CTNNA3: variants seen among roughly 807,000 people sequenced by gnomAD.
CTNNA3 encodes the protein catenin alpha 3.
CTNNA3 carries 76 observed loss-of-function variants against 95.7 expected under a neutral mutation model. That is an observed-to-expected ratio of 0.79 (90% CI 0.66 to 0.96). The LOEUF (loss-of-function observed/expected upper bound fraction) is 0.96, where lower values mean the gene tolerates loss of function less well. CTNNA3 is among the 40% of genes least tolerant of loss of function. CTNNA3 has a pLI of 0.00. For missense variants in CTNNA3, 1,191 were observed against 1,089.8 expected (o/e 1.09, Z -1.31); for synonymous variants, 431 against 374.4 (o/e 1.15, Z -1.74).
intron 5 of CTNNA3, among the ~76,000 whole-genome samples, chr10:67,330,803 T>C (rs1193848630): frequency 6.6e-6 from 1 of 151,846 alleles, no homozygotes. Flanking sequence ...ATACCTGGGA[T>C]AAACTGGTAT....
chr10:67,522,210 A>C (rs1208353003), intron 4 of CTNNA3, among the ~76,000 whole-genome samples: 1 of 152,176 alleles, frequency 6.6e-6, no homozygotes, highest in African/African-American at 2.4e-5. Flanking sequence ...CTAACAAAAG[A>C]GCATACTTCA....
chr10:67,256,751 C>T (rs1231787744), intron 5 of CTNNA3, among the ~76,000 whole-genome samples: 1 of 152,106 alleles, frequency 6.6e-6, no homozygotes, highest in Non-Finnish European at 1.5e-5. Flanking sequence ...TCACCCTAAG[C>T]TTTAATTAAA....
intron 13 of CTNNA3, among the ~76,000 whole-genome samples, chr10:66,228,181 CT>C (rs1361304575): frequency 6.6e-6 from 1 of 151,612 alleles, no homozygotes; most frequent in Non-Finnish European, 1.5e-5. Flanking sequence ...TATTTTTGCT[CT>C]GAATTTTATT....
At chr10:66,659,035 C>T (rs1419067233) in intron 9 of CTNNA3, among the ~76,000 whole-genome samples, 2 of 152,044 alleles carry the variant, frequency 1.3e-5, no homozygotes, top group Admixed American at 6.6e-5. Context: ...ACTCATTCAA[C>T]ATGTATTCAC....
At chr10:67,690,888 C>A (rs1167755419) in intron 1 of CTNNA3, among the ~76,000 whole-genome samples, 1 of 151,374 alleles carries the variant, frequency 6.6e-6, no homozygotes, top group Non-Finnish European at 1.5e-5. Flanking sequence ...CTCTGTCTCC[C>A]TCTCCCCACG....
intron 14 of CTNNA3, among the ~76,000 whole-genome samples, chr10:66,095,558 T>A (rs967577575): frequency 1.3e-5 from 2 of 152,140 alleles, no homozygotes; most frequent in African/African-American, 2.4e-5. Flanking sequence ...TTATGGCCTG[T>A]TAAAATGTTT....
chr10:66,163,023 C>G (rs10996942), intron 13 of CTNNA3, among the ~76,000 whole-genome samples: 31,434 of 151,956 alleles, frequency 0.21, 3,383 homozygotes, highest in South Asian at 0.4. Flanking sequence ...TCACCCAGCT[C>G]CCACATAAAC....
intron 12 of CTNNA3, among the ~76,000 whole-genome samples, chr10:66,372,675 A>G (rs1195311013): frequency 1.3e-5 from 2 of 152,220 alleles, no homozygotes; most frequent in Admixed American, 6.6e-5. Flanking sequence ...TAATTTATTC[A>G]TAGTTCCACA....
intron 13 of CTNNA3, among the ~76,000 whole-genome samples, chr10:66,121,057 C>A (rs1007222740): frequency 6.6e-6 from 1 of 152,142 alleles, no homozygotes; most frequent in East Asian, 1.9e-4. Flanking sequence ...GTCCTATATA[C>A]ATAACATGAA....
intron 5 of CTNNA3, among the ~76,000 whole-genome samples, chr10:67,483,622 G>C (rs187596542): frequency 8.6e-5 from 13 of 151,510 alleles, no homozygotes; most frequent in South Asian, 2.1e-4. Flanking sequence ...GTGGCGGGAG[G>C]GGGGAGGAAT....
intron 5 of CTNNA3, among the ~76,000 whole-genome samples, chr10:67,353,485 ATAGTCT>A (rs55902326): frequency 0.8 from 119,358 of 148,548 alleles, 49,658 homozygotes; most frequent in Non-Finnish European, 0.92. Context: ...TGCACGTTAC[ATAGTCT>A]TAAAGATTGC....
chr10:67,472,992 T>C (rs1847883787), intron 5 of CTNNA3, among the ~76,000 whole-genome samples: 3 of 152,212 alleles, frequency 2.0e-5, no homozygotes. Flanking sequence ...TATCACTACG[T>C]AAGGCAATCA....
chr10:66,546,380 T>C (rs1842035401), intron 10 of CTNNA3, among the ~76,000 whole-genome samples: 1 of 152,188 alleles, frequency 6.6e-6, no homozygotes, highest in South Asian at 2.1e-4. Context: ...ATCATCATAA[T>C]AATCATAATA....
rs971079571 is a variant in CTNNA3 at position 66,693,287 on chromosome 10, C to G, written c.1282-71503G>C. Among the ~76,000 whole-genome samples, 48 of 149,192 alleles carry G rather than the reference C, an allele frequency of 3.2e-4. 2 individuals carry two copies. The East Asian group carries it at 9.1e-3, about 28-fold the overall frequency. Reference sequence around the variant, plus strand: ...GAAGATCTATCAAGCAAATGGAAAACAAAAAAAGGCAGGGGTTGCAATCCT... The same window carrying G: ...GAAGATCTATCAAGCAAATGGAAAAGAAAAAAAGGCAGGGGTTGCAATCCT... On this transcript the variant is annotated intron_variant, in intron 9 of 17. Coordinates refer to ENST00000433211, the MANE Select transcript of CTNNA3 (RefSeq NM_013266.4).
chr10:66,849,645 T>G (rs7920568), intron 7 of CTNNA3, among the ~76,000 whole-genome samples: 70,379 of 151,852 alleles, frequency 0.46, 17,073 homozygotes, highest in Admixed American at 0.61. Context: ...AAACAGAGAA[T>G]AAGGCCATGT....
At chr10:66,363,609 C>T (rs2132438724) in intron 12 of CTNNA3, among the ~76,000 whole-genome samples, 1 of 152,202 alleles carries the variant, frequency 6.6e-6, no homozygotes, top group South Asian at 2.1e-4. Context: ...CTGACCAAGA[C>T]ACCAGATTAC....
chr10:66,411,742 C>T lies in CTNNA3; in HGVS notation c.1532-32390G>A, dbSNP rs149810520. Among the ~76,000 whole-genome samples the T allele has an allele frequency of 3.5e-4, 53 of 152,194 alleles. 1 individual carries two copies. Among genetic ancestry groups the T allele is most frequent in the African/African-American group, 1.3e-3 (53 of 41,546 alleles). On this transcript the variant is annotated intron_variant, in intron 11 of 17. Coordinates refer to ENST00000433211, the MANE Select transcript of CTNNA3 (RefSeq NM_013266.4). ...AAAATAAAATGAGGAAAATAACTAA[C>T]AACAAACATGGTGGAGTTCAATTTT... is the stretch of plus-strand genomic sequence containing the variant.
At chr10:67,347,111 G>C (rs1842450137) in intron 5 of CTNNA3, among the ~76,000 whole-genome samples, 1 of 150,218 alleles carries the variant, frequency 6.7e-6, no homozygotes, top group Non-Finnish European at 1.5e-5. Context: ...TCCCAGGCTA[G>C]AGATCTCAGC....
At chr10:67,086,251 A>G (rs550379334) in intron 7 of CTNNA3, among the ~76,000 whole-genome samples, 1 of 152,002 alleles carries the variant, frequency 6.6e-6, no homozygotes, top group African/African-American at 2.4e-5. Flanking sequence ...CATCTGAAGG[A>G]TTTTCTTTAA....
Sources: gnomAD v4.1 joint callset for allele counts (sites outside exome capture counted in the v4.1 genomes callset) on GRCh38, gnomAD v4.1.1 for gene constraint, MANE v1.5 for transcripts, NCBI Gene and HGNC (gene_info 2026-07-23, HGNC 2026-07-21) for gene names.